The following HDGFL3 variants were observed in gnomAD, a reference collection of about 807,000 sequenced individuals.
The protein encoded by HDGFL3 is hepatoma-derived growth factor-related protein 3.
Under a neutral mutation model 27.6 loss-of-function variants are expected in HDGFL3, and 6 were observed. That is an observed-to-expected ratio of 0.22 (90% CI 0.12 to 0.43). The LOEUF (loss-of-function observed/expected upper bound fraction) is 0.43. Ranked by LOEUF, HDGFL3 falls within the 20% of genes least tolerant of loss-of-function variation. The pLI is 1.00. For missense variants in HDGFL3, 207 were observed against 250.1 expected, an observed-to-expected ratio of 0.83 and a Z score of 1.16; for synonymous variants, 88 against 88.9, an observed-to-expected ratio of 0.99 and a Z score of 0.05.
chr15:83,152,980 A>G (rs1009393220), intron 4 of HDGFL3, among the ~76,000 whole-genome samples: 1 of 148,518 alleles, frequency 6.7e-6, no homozygotes. Flanking sequence ...ACAGTCCTCG[A>G]TACGCAGTTC....
chr15:83,139,397 G>C, intron 5 of HDGFL3, 122 bp from the exon 6 acceptor site: 1 of 491,752 alleles, frequency 2.0e-6, no homozygotes, highest in Non-Finnish European at 3.5e-6. Flanking sequence ...ATGCACTGCA[G>C]CATTAACAAT....
chr15:83,137,402 C>T lies in HDGFL3; in HGVS notation c.*1868G>A, dbSNP rs956634591. The T allele has an allele frequency of 4.6e-5, 7 of 152,040 alleles. No individual in the cohort carries two copies. Among genetic ancestry groups the T allele is most frequent in the African/African-American group, 1.4e-4 (6 of 41,418 alleles). The allele number at this position is 152,040 out of a possible 1,614,324, so 9.4% of individuals were successfully genotyped here. Reference sequence around the variant, plus strand: ...AAATTTGAAACATTTCATATATACACATAAAACGCTTTTAAAGAAAATTTG... The same window carrying T: ...AAATTTGAAACATTTCATATATACATATAAAACGCTTTTAAAGAAAATTTG... On this transcript the variant is annotated 3_prime_UTR_variant, in exon 6 of 6. Transcript: ENST00000299633.
intron 3 of HDGFL3, chr15:83,115,909 C>T (rs986306417): frequency 1.2e-6 from 2 of 1,614,008 alleles, no homozygotes; most frequent in African/African-American, 2.7e-5. Flanking sequence ...AAGATGGAAT[C>T]ATTGACGGGT....
At chr15:83,199,002 T>C (rs188283752) in intron 1 of HDGFL3, among the ~76,000 whole-genome samples, 4 of 152,364 alleles carry the variant, frequency 2.6e-5, no homozygotes, top group African/African-American at 9.6e-5. Context: ...TTTCTCACTG[T>C]AGGTTACAGT....
downstream of HDGFL3, chr15:83,127,345 C>G: frequency 1.3e-6 from 2 of 1,577,004 alleles, no homozygotes; most frequent in Non-Finnish European, 1.7e-6. Flanking sequence ...TGTTATTTCT[C>G]TGTTCAATAC....
At chr15:83,154,345 A>G (rs1243154776) in intron 4 of HDGFL3, among the ~76,000 whole-genome samples, 2 of 79,310 alleles carry the variant, frequency 2.5e-5, no homozygotes, top group Admixed American at 1.2e-4. Context: ...CAAGACAAAG[A>G]AAAAAAAAAA....
chr15:83,115,940 G>A (rs1273214860), intron 3 of HDGFL3: 1 of 1,611,618 alleles, frequency 6.2e-7, no homozygotes, highest in Admixed American at 1.7e-5. Flanking sequence ...CTACTTGAGA[G>A]AGGTATGGGA....
At chr15:83,124,985 A>G (rs1313461912), downstream of HDGFL3, among the ~76,000 whole-genome samples, 3 of 152,164 alleles carry the variant, frequency 2.0e-5, no homozygotes, top group African/African-American at 7.2e-5. Context: ...TCCTTAGATC[A>G]AGCTCTACTC....
Position 83,136,913 on chromosome 15 carries a change from C to A in HDGFL3, c.*2357G>T. ...AAAATCATTTGTGAATAAACTTGAT[C>A]ATCCATCTCAATATTGTTTGACATA... is the stretch of plus-strand genomic sequence containing the variant. On this transcript the variant is annotated 3_prime_UTR_variant, in exon 6 of 6. Transcript: ENST00000299633. 1 of 317,980 alleles carries A rather than the reference C, an allele frequency of 3.1e-6. No individual in the cohort carries two copies. Among genetic ancestry groups the A allele is most frequent in the Non-Finnish European group, 5.8e-6 (1 of 173,672 alleles). The allele number at this position is 317,980 out of a possible 1,614,324, so 19.7% of individuals were successfully genotyped here.
At chr15:83,118,199 G>A (rs1284991871) in intron 3 of HDGFL3, among the ~76,000 whole-genome samples, 2 of 151,818 alleles carry the variant, frequency 1.3e-5, no homozygotes, top group Non-Finnish European at 2.9e-5. Context: ...ACTCTAGACC[G>A]GGTGACAGAG....
rs755639628 is a variant in HDGFL3 at position 83,136,607 on chromosome 15, G to A, written c.*2663C>T. 1.2e-6 allele frequency: 2 copies of A among 1,612,732 alleles called. No homozygotes were observed. The highest frequency in any genetic ancestry group is 1.3e-5 in the African/African-American group (1 of 74,904). Reference sequence around the variant, plus strand: ...ATATGGAGTTCTTCCTCAGCTCTTGGCCTATCGTTGTATCTACAAACCAGA... The same window carrying A: ...ATATGGAGTTCTTCCTCAGCTCTTGACCTATCGTTGTATCTACAAACCAGA... On this transcript the variant is annotated 3_prime_UTR_variant, in exon 6 of 6. Transcript: ENST00000299633.
At chr15:83,164,281 T>G (rs1021443523) in intron 1 of HDGFL3, among the ~76,000 whole-genome samples, 1 of 148,024 alleles carries the variant, frequency 6.8e-6, no homozygotes, top group Non-Finnish European at 1.5e-5. Flanking sequence ...TTATAATAAT[T>G]TATAAGCAGG....
downstream of HDGFL3, chr15:83,124,843 T>G (rs1489580371): frequency 4.5e-6 from 6 of 1,335,816 alleles, no homozygotes; most frequent in Admixed American, 1.1e-4. Context: ...GGAAAAAAAC[T>G]TAGAAATATG....
At chr15:83,159,634 C>CT (rs1379964606) in intron 2 of HDGFL3, among the ~76,000 whole-genome samples, 1 of 152,004 alleles carries the variant, frequency 6.6e-6, no homozygotes, top group African/African-American at 2.4e-5. Flanking sequence ...TCAAGGAAGG[C>CT]AAAGGGAATA....
At chr15:83,165,944 C>T (rs1011115668) in intron 1 of HDGFL3, among the ~76,000 whole-genome samples, 2 of 150,590 alleles carry the variant, frequency 1.3e-5, no homozygotes, top group Admixed American at 6.6e-5. Context: ...TTGAGAAATA[C>T]AGAATTATAT....
At chr15:83,175,382 C>A (rs1023781956) in intron 1 of HDGFL3, among the ~76,000 whole-genome samples, 2 of 152,108 alleles carry the variant, frequency 1.3e-5, no homozygotes, top group Non-Finnish European at 2.9e-5. Context: ...TGGAAATACA[C>A]CAAGATGTTC....
In HDGFL3 at chr15:83,203,736, AT is replaced by A. The variant is rs558323480; in HGVS notation, c.84+3594del. ...AATAAGTATTATTACTGTTAACGAT[AT>A]TGTGCAATGAAAATTTTAAAACATA... On this transcript the variant is annotated intron_variant, in intron 1 of 5. Transcript: ENST00000299633. Among the ~76,000 whole-genome samples, 659 of 152,004 alleles carry A rather than the reference AT, an allele frequency of 4.3e-3. 2 individuals carry two copies. Among genetic ancestry groups the A allele is most frequent in the Non-Finnish European group, 6.6e-3 (450 of 67,904 alleles).
chr15:83,199,253 A>ATAC (rs563407363), intron 1 of HDGFL3, among the ~76,000 whole-genome samples: 8 of 152,318 alleles, frequency 5.3e-5, no homozygotes, highest in Admixed American at 3.3e-4. Flanking sequence ...CTGAGAATTT[A>ATAC]TACTACTACT....
rs140060954 is a variant in HDGFL3 at position 83,196,221 on chromosome 15, T to C, written c.84+11110A>G. 2.0e-3 allele frequency among the ~76,000 whole-genome samples: 299 copies of C among 151,926 alleles called. 2 individuals are homozygous for C. Among genetic ancestry groups the C allele is most frequent in the Middle Eastern group, 0.014 (4 of 288 alleles). ...TATTTGTCCATTATATTTATTGACT[T>C]ATTTATTAAGTCAATATACTTATTG... On this transcript the variant is annotated intron_variant, in intron 1 of 5. Coordinates refer to ENST00000299633, the MANE Select transcript of HDGFL3 (RefSeq NM_016073.4).
Sources: gnomAD v4.1 joint callset for allele counts (sites outside exome capture counted in the v4.1 genomes callset) on GRCh38, gnomAD v4.1.1 for gene constraint, MANE v1.5 for transcripts, NCBI Gene and HGNC (gene_info 2026-07-23, HGNC 2026-07-21) for gene names.